PRTFDC1: variants seen among roughly 807,000 people sequenced by gnomAD.
PRTFDC1 encodes phosphoribosyltransferase domain-containing protein 1.
In PRTFDC1, 38 loss-of-function variants were observed where a neutral mutation model predicts 34.6. That is an observed-to-expected ratio of 1.10 (90% CI 0.85 to 1.44). The LOEUF (loss-of-function observed/expected upper bound fraction) is 1.44, where lower values mean the gene tolerates loss of function less well. PRTFDC1 is among the 40% of genes most tolerant of loss of function. PRTFDC1 has a pLI of 0.00. For synonymous variants in PRTFDC1, 93 were observed against 98.1 expected, an observed-to-expected ratio of 0.95 and a Z score of 0.31; for missense variants, 270 against 283.0, an observed-to-expected ratio of 0.95 and a Z score of 0.33.
At chr10:24,943,795 G>T (rs558194003) in intron 1 of PRTFDC1, among the ~76,000 whole-genome samples, 2 of 151,928 alleles carry the variant, frequency 1.3e-5, no homozygotes, top group Non-Finnish European at 2.9e-5. Flanking sequence ...CAAGCCATCC[G>T]CCTGCCTTAG....
intron 3 of PRTFDC1, among the ~76,000 whole-genome samples, chr10:24,888,136 A>C (rs530222393): frequency 6.6e-6 from 1 of 152,206 alleles, no homozygotes; most frequent in Non-Finnish European, 1.5e-5. Flanking sequence ...GCCTCCCAAA[A>C]TGCTGGGATT....
intron 3 of PRTFDC1, among the ~76,000 whole-genome samples, chr10:24,915,043 C>A (rs1291864828): frequency 3.9e-5 from 6 of 152,026 alleles, no homozygotes; most frequent in African/African-American, 1.4e-4. Context: ...CAGCCTCATG[C>A]AATATACCCA....
chr10:24,912,420 C>A (rs566543291), intron 3 of PRTFDC1, among the ~76,000 whole-genome samples: 2 of 150,830 alleles, frequency 1.3e-5, no homozygotes, highest in South Asian at 4.2e-4. Context: ...ATCTGACTTC[C>A]TGGTTATAGG....
At chr10:24,868,359 A>G (rs1847821165) in intron 4 of PRTFDC1, among the ~76,000 whole-genome samples, 1 of 152,164 alleles carries the variant, frequency 6.6e-6, no homozygotes, top group Admixed American at 6.6e-5. Flanking sequence ...GGAAAGACCT[A>G]TGGGGCTCTT....
At chr10:24,946,442 GA>G (rs996181713) in intron 1 of PRTFDC1, among the ~76,000 whole-genome samples, 14 of 151,990 alleles carry the variant, frequency 9.2e-5, no homozygotes, top group African/African-American at 2.7e-4. Flanking sequence ...CCAAAAATAG[GA>G]AAAAAATGAT....
intron 3 of PRTFDC1, among the ~76,000 whole-genome samples, chr10:24,888,027 C>G (rs75911393): frequency 0.019 from 2,940 of 152,304 alleles, 32 homozygotes; most frequent in South Asian, 0.038. Context: ...TCCTGAGTTA[C>G]TGGGAATGAC....
At chr10:24,951,278 T>C (rs573019981) in intron 1 of PRTFDC1, among the ~76,000 whole-genome samples, 3 of 152,134 alleles carry the variant, frequency 2.0e-5, no homozygotes, top group Non-Finnish European at 2.9e-5. Flanking sequence ...ATTGCACATA[T>C]CTCTATTTGA....
chr10:24,918,737 C>G (rs922743096), intron 3 of PRTFDC1, among the ~76,000 whole-genome samples: 1 of 152,122 alleles, frequency 6.6e-6, no homozygotes, highest in African/African-American at 2.4e-5. Flanking sequence ...TTTCAATAGA[C>G]GTTCCAAGAC....
At chr10:24,898,618 T>A (rs1443158030) in intron 3 of PRTFDC1, among the ~76,000 whole-genome samples, 1 of 152,088 alleles carries the variant, frequency 6.6e-6, no homozygotes, top group African/African-American at 2.4e-5. Flanking sequence ...CCTCCATCTT[T>A]AGGCTCACAT....
chr10:24,875,172 C>G (rs35163095), intron 3 of PRTFDC1, among the ~76,000 whole-genome samples: 1 of 152,020 alleles, frequency 6.6e-6, no homozygotes, highest in Non-Finnish European at 1.5e-5. Context: ...AGGTACAATG[C>G]GATGTTATGA....
chr10:24,925,573 A>G (rs750529393), intron 3 of PRTFDC1, among the ~76,000 whole-genome samples: 5 of 152,226 alleles, frequency 3.3e-5, no homozygotes, highest in Admixed American at 1.3e-4. Flanking sequence ...TTTTTTGTAT[A>G]TATACATAGC....
At chr10:24,945,561 C>T (rs1011815065) in intron 1 of PRTFDC1, among the ~76,000 whole-genome samples, 13 of 152,200 alleles carry the variant, frequency 8.5e-5, no homozygotes, top group African/African-American at 3.1e-4. Context: ...CTCAAGCGAT[C>T]CTCCCACCTC....
chr10:24,887,266 G>C (rs1056827493), intron 3 of PRTFDC1, among the ~76,000 whole-genome samples: 2 of 152,052 alleles, frequency 1.3e-5, no homozygotes, highest in Non-Finnish European at 2.9e-5. Flanking sequence ...CACCGCGCCC[G>C]GCCGTTAATA....
intron 3 of PRTFDC1, among the ~76,000 whole-genome samples, chr10:24,885,329 T>C (rs1182810930): frequency 1.3e-5 from 2 of 152,188 alleles, no homozygotes; most frequent in Non-Finnish European, 2.9e-5. Context: ...TGAGGCAGGA[T>C]CCAGCAATCA....
At chr10:24,850,348 T>A (rs939682987) in intron 8 of PRTFDC1, among the ~76,000 whole-genome samples, 3 of 152,078 alleles carry the variant, frequency 2.0e-5, no homozygotes, top group Non-Finnish European at 2.9e-5. Flanking sequence ...AAAGGAGGAT[T>A]TGGATGGGCT....
chr10:24,872,330 A>C (rs564306440), intron 3 of PRTFDC1, among the ~76,000 whole-genome samples: 3 of 152,190 alleles, frequency 2.0e-5, no homozygotes, highest in Admixed American at 1.3e-4. Context: ...ATCTAACATG[A>C]AACAAAACAC....
chr10:24,850,539 GGAGGATC>G (rs1469193177), intron 8 of PRTFDC1, among the ~76,000 whole-genome samples: 1 of 152,178 alleles, frequency 6.6e-6, no homozygotes, highest in Non-Finnish European at 1.5e-5. Flanking sequence ...GGCTGAGGCG[GGAGGATC>G]GCTTGAGCCT....
At chr10:24,854,617 C>T (rs180957933) in intron 7 of PRTFDC1, among the ~76,000 whole-genome samples, 2 of 152,102 alleles carry the variant, frequency 1.3e-5, no homozygotes, top group East Asian at 1.9e-4. Flanking sequence ...AATTAGGCTG[C>T]GTGTTTATCC....
At chr10:24,862,891 C>A (rs1181622174) in intron 4 of PRTFDC1, among the ~76,000 whole-genome samples, 1 of 151,492 alleles carries the variant, frequency 6.6e-6, no homozygotes, top group Non-Finnish European at 1.5e-5. Context: ...TATTTTATTT[C>A]TTTTGAGACA....
Sources: gnomAD v4.1 joint callset for allele counts (sites outside exome capture counted in the v4.1 genomes callset) on GRCh38, gnomAD v4.1.1 for gene constraint, MANE v1.5 for transcripts, NCBI Gene and HGNC (gene_info 2026-07-23, HGNC 2026-07-21) for gene names.